VPS13C: variants seen among roughly 807,000 people sequenced by gnomAD.
The protein encoded by VPS13C is vacuolar protein sorting 13 homolog C.
Under a neutral mutation model 456.8 loss-of-function variants are expected in VPS13C, and 358 were observed. The observed-to-expected ratio is 0.78, with a 90% confidence interval of 0.72 to 0.86. The LOEUF is 0.86. VPS13C is among the 40% of genes least tolerant of loss of function. The pLI, the probability that VPS13C is intolerant of heterozygous loss-of-function variation, is 0.00. For synonymous variants in VPS13C, 1,578 were observed against 1,486.7 expected (o/e 1.06, Z -1.41); for missense variants, 4,818 against 4,385.4 (o/e 1.10, Z -2.79).
chr15:62,024,390 C>G (rs943827123), intron 6 of VPS13C, among the ~76,000 whole-genome samples: 1 of 152,086 alleles, frequency 6.6e-6, no homozygotes, highest in African/African-American at 2.4e-5. Context: ...GGACTGTACA[C>G]TGAATTCGAT....
chr15:61,924,102 G>A (rs902242073), intron 53 of VPS13C, among the ~76,000 whole-genome samples: 3 of 151,452 alleles, frequency 2.0e-5, no homozygotes, highest in Non-Finnish European at 2.9e-5. Flanking sequence ...TCCTGACCTC[G>A]TGATCCGCCC....
chr15:61,946,994 G>A (rs2044628912), intron 43 of VPS13C, among the ~76,000 whole-genome samples, 199 bp downstream of exon 43: 1 of 152,066 alleles, frequency 6.6e-6, no homozygotes, highest in African/African-American at 2.4e-5. Context: ...AATGCATAAT[G>A]CATAAGGAAT....
intron 1 of VPS13C, among the ~76,000 whole-genome samples, chr15:62,059,649 C>A (rs149853457): frequency 1.3e-5 from 2 of 152,244 alleles, no homozygotes; most frequent in African/African-American, 4.8e-5. Context: ...AAATCCTCTT[C>A]GTATTGACGG....
intron 81 of VPS13C, chr15:61,865,638 TTGTA>T (rs540421372): frequency 1.9e-5 from 8 of 417,038 alleles, no homozygotes; most frequent in African/African-American, 1.5e-4. Context: ...ATGGGTATAT[TTGTA>T]TGTGTGTATA....
chr15:61,972,824 A>G, intron 26 of VPS13C, 60 bp from the exon 27 acceptor site: 1 of 1,474,346 alleles, frequency 6.8e-7, no homozygotes, highest in Non-Finnish European at 9.2e-7. Context: ...TGCATGAAAC[A>G]CTCAAATCTA....
chr15:62,010,364 C>A, intron 13 of VPS13C, 108 bp downstream of exon 13: 1 of 1,238,352 alleles, frequency 8.1e-7, no homozygotes, highest in Non-Finnish European at 1.1e-6. Flanking sequence ...CAAATCTCAA[C>A]ATAACAAACC....
chr15:61,993,654 G>A (rs1260996034), intron 16 of VPS13C, among the ~76,000 whole-genome samples: 1 of 151,976 alleles, frequency 6.6e-6, no homozygotes, highest in African/African-American at 2.4e-5. Context: ...AATTAGGAAA[G>A]CACACAATCA....
Position 61,869,529 on chromosome 15 carries a change from C to T in VPS13C, c.10719G>A (p.Met3573Ile). 8 of 1,614,098 alleles carry T rather than the reference C, an allele frequency of 5.0e-6. No homozygotes were observed. Among genetic ancestry groups the T allele is most frequent in the Admixed American group, 1.7e-5 (1 of 60,014 alleles). ...VARPTGGIVD[M>I]ASSTFQGIQR... is the part of the protein sequence containing the mutation. ...GAATGCCTTGGAAGGTACTACTGGC[C>T]ATATCTACGATTCCACCAGTTGGAC... The change falls in exon 80 of 85, where the codon ATG becomes ATA. Residue 3573 changes from methionine to isoleucine, a missense_variant. By Grantham distance (10) the Met-to-Ile change is conservative. Coordinates refer to ENST00000644861, the MANE Select transcript of VPS13C (RefSeq NM_020821.3).
chr15:61,974,028 T>A (rs2045631715), intron 25 of VPS13C, among the ~76,000 whole-genome samples: 1 of 152,152 alleles, frequency 6.6e-6, no homozygotes, highest in Non-Finnish European at 1.5e-5. Context: ...CAATTTCAAT[T>A]AAAGTGATCT....
At chr15:62,050,139 A>G (rs1464280306) in intron 1 of VPS13C, among the ~76,000 whole-genome samples, 1 of 152,156 alleles carries the variant, frequency 6.6e-6, no homozygotes, top group African/African-American at 2.4e-5. Context: ...CCAACACTCT[A>G]TGTGTCTAAT....
intron 67 of VPS13C, among the ~76,000 whole-genome samples, chr15:61,888,947 T>C (rs1386379523): frequency 6.6e-6 from 1 of 152,094 alleles, no homozygotes; most frequent in African/African-American, 2.4e-5. Flanking sequence ...ATGTTAGTAA[T>C]AGGGGAAACA....
In VPS13C at chr15:61,991,097, A is replaced by T. The variant is rs780470764; in HGVS notation, c.1484-3T>A. 2 of 1,583,174 alleles carry T rather than the reference A, an allele frequency of 1.3e-6. No homozygotes were observed. Among genetic ancestry groups the T allele is most frequent in the Admixed American group, 3.8e-5 (2 of 52,304 alleles). On this transcript the variant is annotated splice_region_variant and splice_polypyrimidine_tract_variant and intron_variant, in intron 17 of 84. Transcript: ENST00000644861. ...TGGAGTCATAAGGTCATCAATAGCTATGAAAAAACAACATTTTAAGAAATT... is the reference window on the plus strand; with the variant it reads ...TGGAGTCATAAGGTCATCAATAGCTTTGAAAAAACAACATTTTAAGAAATT...
At chr15:61,931,354 C>T in intron 49 of VPS13C, 95 bp from the exon 50 acceptor site, 1 of 1,260,686 alleles carries the variant, frequency 7.9e-7, no homozygotes, top group Non-Finnish European at 1.1e-6. Flanking sequence ...TAAAGGCAAA[C>T]TGATCTCATG....
At chr15:61,990,905 C>A in intron 18 of VPS13C, 95 bp downstream of exon 18, 1 of 810,272 alleles carries the variant, frequency 1.2e-6, no homozygotes, top group East Asian at 2.7e-5. Context: ...GAATTAATAA[C>A]ATTTATATTA....
Position 61,910,266 on chromosome 15 carries a change from A to G in VPS13C, c.8755T>C (p.Cys2919Arg), listed in dbSNP as rs1390680762. The G allele has an allele frequency of 6.5e-7, 1 of 1,527,972 alleles. No homozygotes were observed. Among genetic ancestry groups the G allele is most frequent in the Non-Finnish European group, 8.8e-7 (1 of 1,131,906 alleles). 94.7% of individuals were successfully genotyped at this position (1,527,972 alleles called of 1,614,324 possible). A position where few individuals can be genotyped will look rare whatever the true frequency, so the allele number is the denominator to read the frequency against. ...FWPESLSGKLCVRVVGCEGSS... is the reference protein window; with the variant it reads ...FWPESLSGKLRVRVVGCEGSS... ...CCTTCACAGCCCACCACTCTCACAC[A>G]AAGTTTGCCTGACAAACTTTCTGGC... The change falls in exon 64 of 85, where the codon TGT becomes CGT. Residue 2919 changes from cysteine to arginine, a missense_variant. This residue lies in a region of VPS13C where 4,552 missense variants were observed against 4,130.6 expected (regional missense o/e 1.10). Transcript: ENST00000644861.
chr15:61,882,806 G>C (rs1895968405), intron 68 of VPS13C, 70 bp from the exon 69 acceptor site: 3 of 1,412,786 alleles, frequency 2.1e-6, no homozygotes, highest in Non-Finnish European at 2.8e-6. Context: ...TTTAATATCT[G>C]TTTATTGATC....
intron 1 of VPS13C, 79 bp downstream of exon 1, chr15:62,060,196 C>G (rs763358206): frequency 1.7e-5 from 13 of 769,326 alleles, no homozygotes; most frequent in Non-Finnish European, 2.7e-5. Flanking sequence ...GGAGCAGGGC[C>G]CGGGCAGAAT....
intron 24 of VPS13C, 81 bp downstream of exon 24, chr15:61,977,001 T>C: frequency 1.0e-6 from 1 of 992,524 alleles, no homozygotes; most frequent in Non-Finnish European, 1.5e-6. Flanking sequence ...GAAATCTATC[T>C]TTGCTTCCTT....
intron 3 of VPS13C, among the ~76,000 whole-genome samples, chr15:62,037,332 AT>A (rs1330105014): frequency 4.6e-5 from 4 of 86,316 alleles, no homozygotes; most frequent in African/African-American, 1.4e-4. Flanking sequence ...TATTATATAC[AT>A]TTATATATAA....
Sources: allele counts gnomAD v4.1 joint callset (sites outside exome capture counted in the v4.1 genomes callset), GRCh38; gene constraint gnomAD v4.1.1; regional missense constraint gnomAD v4.1.1; transcripts MANE v1.5; gene names NCBI Gene and HGNC (gene_info 2026-07-23, HGNC 2026-07-21).